Variants in BANP observed in about 807,000 individuals in gnomAD.
BANP encodes the protein protein BANP.
A neutral mutation model predicts 68.1 loss-of-function variants in BANP; 11 were observed. The ratio of observed to expected loss-of-function variants is 0.16; its 90% CI spans 0.10 to 0.27. The LOEUF is 0.27. BANP is among the 10% of genes least tolerant of loss of function. The pLI, the probability that BANP is intolerant of heterozygous loss-of-function variation, is 1.00. For missense variants in BANP, 504 were observed against 722.7 expected (o/e 0.70, Z 3.47); for synonymous variants, 329 against 303.2 (o/e 1.09, Z -0.88).
chr16:88,017,643 G>C (rs1375729925), intron 6 of BANP, among the ~76,000 whole-genome samples: 1 of 152,234 alleles, frequency 6.6e-6, no homozygotes, highest in African/African-American at 2.4e-5. Context: ...GGAGGGGCTG[G>C]CGGGCGTCAC....
intron 11 of BANP, among the ~76,000 whole-genome samples, chr16:88,059,565 C>T (rs949340095): frequency 2.6e-5 from 4 of 152,120 alleles, no homozygotes; most frequent in African/African-American, 9.7e-5. Flanking sequence ...TCCCCATCCC[C>T]ATACCATCTT....
At chr16:88,006,502 C>T (rs1306389877) in intron 6 of BANP, among the ~76,000 whole-genome samples, 7 of 150,814 alleles carry the variant, frequency 4.6e-5, no homozygotes, top group African/African-American at 1.2e-4. Context: ...CAAAATTAGC[C>T]GGGTGTGGTG....
intron 1 of BANP, among the ~76,000 whole-genome samples, chr16:87,955,158 C>G (rs1051919977): frequency 6.6e-6 from 1 of 152,180 alleles, no homozygotes; most frequent in Non-Finnish European, 1.5e-5. Context: ...CAGTGGTGAG[C>G]GTACTGGGAG....
intron 11 of BANP, among the ~76,000 whole-genome samples, chr16:88,051,474 C>T (rs895122537): frequency 2.0e-5 from 3 of 152,216 alleles, no homozygotes; most frequent in South Asian, 2.1e-4. Context: ...GGCTCAGCCT[C>T]GGTGCCTCAC....
At chr16:87,960,401 C>T (rs2058923881) in intron 1 of BANP, among the ~76,000 whole-genome samples, 1 of 152,172 alleles carries the variant, frequency 6.6e-6, no homozygotes, top group South Asian at 2.1e-4. Context: ...AAGAGGTTGG[C>T]AGGCAAGGAT....
intron 11 of BANP, among the ~76,000 whole-genome samples, chr16:88,041,816 G>A (rs1237980369): frequency 6.6e-6 from 1 of 152,240 alleles, no homozygotes; most frequent in Non-Finnish European, 1.5e-5. Flanking sequence ...GCTGACAGGT[G>A]CTCTGCAGGT....
Position 88,003,370 on chromosome 16 carries a change from C to G in BANP, c.363-925C>G, listed in dbSNP as rs2069990671. Reference sequence around the variant, plus strand: ...GCTAGAATTTCCTATGTGCAGATCACAGAAAGGCAGGCTTCCCAGGTTGGT... The same window carrying G: ...GCTAGAATTTCCTATGTGCAGATCAGAGAAAGGCAGGCTTCCCAGGTTGGT... On this transcript the variant is annotated intron_variant, in intron 4 of 13. Transcript: ENST00000682872. This position sits in a 1 kb window ranked among gnomAD's most constrained non-coding sequence, Gnocchi z 6.1. 2 of 448,348 alleles carry G rather than the reference C, an allele frequency of 4.5e-6. No individual in the cohort carries two copies. Among genetic ancestry groups the G allele is most frequent in the Admixed American group, 2.4e-5 (1 of 42,172 alleles). 27.8% of individuals were successfully genotyped at this position (448,348 alleles called of 1,614,324 possible). A position where few individuals can be genotyped will look rare whatever the true frequency, so the allele number is the denominator to read the frequency against.
At chr16:88,022,624 G>A (rs1284275764) in intron 7 of BANP, among the ~76,000 whole-genome samples, 2 of 152,180 alleles carry the variant, frequency 1.3e-5, no homozygotes, top group African/African-American at 2.4e-5. Flanking sequence ...CTGTGGCCGC[G>A]GGGACAAAGC....
rs2079512589 is a variant in BANP at position 88,036,933 on chromosome 16, G to A, written c.1273-1040G>A. 6.6e-6 allele frequency among the ~76,000 whole-genome samples: 1 copy of A among 152,182 alleles called. No homozygotes were observed. The highest frequency in any genetic ancestry group is 1.5e-5 in the Non-Finnish European group (1 of 68,030). On this transcript the variant is annotated intron_variant, in intron 10 of 13. Transcript: ENST00000682872. The surrounding 1 kb of genome is among the most constrained non-coding windows in gnomAD (Gnocchi z 4.2). The stretch of plus-strand genomic sequence containing the variant: ...GCAGGAGTTGGGGGCCTGAGTGGCT[G>A]CGAGGTGCAGGATCCCAGCAGCACC...
intron 11 of BANP, among the ~76,000 whole-genome samples, chr16:88,063,713 G>C (rs188520566): frequency 6.6e-6 from 1 of 152,166 alleles, no homozygotes; most frequent in African/African-American, 2.4e-5. Context: ...TGGAAGGCAC[G>C]TCATGGCATC....
intron 12 of BANP, among the ~76,000 whole-genome samples, chr16:88,070,322 T>C (rs573443593): frequency 1.3e-5 from 2 of 152,198 alleles, no homozygotes; most frequent in African/African-American, 4.8e-5. Flanking sequence ...CCTGGGACCA[T>C]GTCGGGCTGG....
chr16:87,965,266 T>C (rs961104359), intron 1 of BANP, among the ~76,000 whole-genome samples: 6 of 152,048 alleles, frequency 3.9e-5, no homozygotes, highest in Admixed American at 3.9e-4. Flanking sequence ...TGGAGCAGTT[T>C]TGGGGGAGTA....
intron 1 of BANP, among the ~76,000 whole-genome samples, chr16:87,960,812 C>T (rs1004002446): frequency 2.0e-5 from 3 of 152,212 alleles, no homozygotes; most frequent in Non-Finnish European, 4.4e-5. Flanking sequence ...TTACAGATTA[C>T]TGACATCTCT....
At chr16:88,060,363 G>A (rs1200044781) in intron 11 of BANP, among the ~76,000 whole-genome samples, 2 of 152,206 alleles carry the variant, frequency 1.3e-5, no homozygotes, top group African/African-American at 2.4e-5. Flanking sequence ...TGGAAAGGCT[G>A]GCCCACCCTC....
At chr16:88,041,841 A>G (rs890175961) in intron 11 of BANP, among the ~76,000 whole-genome samples, 1 of 152,234 alleles carries the variant, frequency 6.6e-6, no homozygotes, top group Admixed American at 6.5e-5. Context: ...GTGAGCCTGC[A>G]CTAAGGAATG....
At chr16:87,981,988 T>C (rs368885879) in intron 3 of BANP, among the ~76,000 whole-genome samples, 6 of 152,352 alleles carry the variant, frequency 3.9e-5, no homozygotes, top group African/African-American at 1.4e-4. Flanking sequence ...ATTCTTCTAC[T>C]TACACAGGGT....
At chr16:87,960,764 C>T (rs569660402) in intron 1 of BANP, among the ~76,000 whole-genome samples, 1 of 152,342 alleles carries the variant, frequency 6.6e-6, no homozygotes, top group Admixed American at 6.5e-5. Flanking sequence ...TGTAGTTGAA[C>T]TAGCTGCTCT....
chr16:88,024,576 C>T (rs527772753), intron 7 of BANP, among the ~76,000 whole-genome samples: 1 of 152,252 alleles, frequency 6.6e-6, no homozygotes, highest in Admixed American at 6.5e-5. Context: ...CAGACGTGGG[C>T]GCTTGCCCCA....
intron 1 of BANP, among the ~76,000 whole-genome samples, chr16:87,967,968 G>A (rs754810175): frequency 6.8e-6 from 1 of 147,772 alleles, no homozygotes; most frequent in Non-Finnish European, 1.5e-5. Context: ...TGGTCAGGCT[G>A]GTCTCGAACT....
Sources: gnomAD v4.1 joint callset for allele counts (sites outside exome capture counted in the v4.1 genomes callset) on GRCh38, gnomAD v4.1.1 for gene constraint, Gnocchi (gnomAD v3.1) non-coding constraint, MANE v1.5 for transcripts, NCBI Gene and HGNC (gene_info 2026-07-23, HGNC 2026-07-21) for gene names.